The following CELF4 variants were observed in gnomAD, a reference collection of about 807,000 sequenced individuals.
The protein encoded by CELF4 is CUG-BP- and ETR-3-like factor 4.
A neutral mutation model predicts 59.9 loss-of-function variants in CELF4; 18 were observed. The ratio of observed to expected loss-of-function variants is 0.30; its 90% CI spans 0.21 to 0.45. CELF4 has a LOEUF of 0.45. Ranked by LOEUF, CELF4 falls within the 20% of genes least tolerant of loss-of-function variation. The pLI, the probability that CELF4 is intolerant of heterozygous loss-of-function variation, is 1.00. For synonymous variants in CELF4, 261 were observed against 267.1 expected, an observed-to-expected ratio of 0.98 and a Z score of 0.22; for missense variants, 456 against 689.0, an observed-to-expected ratio of 0.66 and a Z score of 3.79.
At chr18:37,257,792 A>C (rs1392200146) in intron 11 of CELF4, among the ~76,000 whole-genome samples, 1 of 152,030 alleles carries the variant, frequency 6.6e-6, no homozygotes, top group Non-Finnish European at 1.5e-5. Context: ...CTCTGGTTCC[A>C]TATGTGGCTC....
chr18:37,361,996 C>T (rs544429956), intron 2 of CELF4, among the ~76,000 whole-genome samples: 51 of 152,230 alleles, frequency 3.4e-4, no homozygotes, highest in African/African-American at 1.1e-3. Context: ...GGGAAGCGGA[C>T]GGTCAGAGGA....
chr18:37,479,068 G>A (rs2099858834), intron 2 of CELF4, among the ~76,000 whole-genome samples: 1 of 152,206 alleles, frequency 6.6e-6, no homozygotes, highest in South Asian at 2.1e-4. Flanking sequence ...TGCTGAAACT[G>A]CTAAGCCCTT....
At chr18:37,506,563 G>A (rs76305564) in intron 1 of CELF4, among the ~76,000 whole-genome samples, 2,798 of 152,274 alleles carry the variant, frequency 0.018, 96 homozygotes, top group African/African-American at 0.064. Context: ...AGGGAGGTTG[G>A]GCAAACTGGA....
chr18:37,505,672 C>T (rs1225343977), intron 1 of CELF4, among the ~76,000 whole-genome samples: 1 of 152,204 alleles, frequency 6.6e-6, no homozygotes, highest in African/African-American at 2.4e-5. Flanking sequence ...TGGCATCAGA[C>T]AGACCTGGAA....
chr18:37,316,941 G>A (rs549713814), intron 3 of CELF4, among the ~76,000 whole-genome samples: 3 of 152,246 alleles, frequency 2.0e-5, no homozygotes, highest in African/African-American at 7.2e-5. Context: ...AGGTAATCTG[G>A]GTTCTGGTGG....
intron 3 of CELF4, among the ~76,000 whole-genome samples, chr18:37,304,835 C>T (rs755102078): frequency 2.6e-5 from 4 of 152,138 alleles, no homozygotes; most frequent in Admixed American, 6.5e-5. Context: ...GGTGGCTCTC[C>T]GCAAAAGGGA....
At chr18:37,379,467 A>G (rs1031763011) in intron 2 of CELF4, among the ~76,000 whole-genome samples, 3 of 148,258 alleles carry the variant, frequency 2.0e-5, no homozygotes, top group Middle Eastern at 3.5e-3. Context: ...AATCACCTTC[A>G]TAATGGCCAG....
chr18:37,301,501 T>A (rs116572751), intron 3 of CELF4, among the ~76,000 whole-genome samples: 2,783 of 152,212 alleles, frequency 0.018, 90 homozygotes, highest in African/African-American at 0.064. Context: ...CAGGGACAGG[T>A]GTCTCCCTCC....
chr18:37,374,571 A>G (rs2098943080), intron 2 of CELF4, among the ~76,000 whole-genome samples: 1 of 152,206 alleles, frequency 6.6e-6, no homozygotes, highest in South Asian at 2.1e-4. Context: ...GCCAGTGTGC[A>G]GAAGCAGGGG....
At chr18:37,553,852 G>T (rs951066409) in intron 1 of CELF4, among the ~76,000 whole-genome samples, 10 of 152,166 alleles carry the variant, frequency 6.6e-5, no homozygotes, top group Non-Finnish European at 1.0e-4. Context: ...GCTGCTGCAG[G>T]AGCTGGGCAC....
At chr18:37,442,032 T>C (rs28572743) in intron 2 of CELF4, among the ~76,000 whole-genome samples, 4,781 of 151,402 alleles carry the variant, frequency 0.032, 266 homozygotes, top group African/African-American at 0.11. Context: ...TGACACGGTG[T>C]GTCACCCTTT....
chr18:37,520,171 C>T (rs1295604755), intron 1 of CELF4, among the ~76,000 whole-genome samples: 3 of 152,162 alleles, frequency 2.0e-5, no homozygotes, highest in Non-Finnish European at 2.9e-5. Flanking sequence ...GAGCCTGACT[C>T]CTGAAGAATA....
intron 2 of CELF4, among the ~76,000 whole-genome samples, chr18:37,357,391 A>G (rs543407684): frequency 6.6e-6 from 1 of 152,244 alleles, no homozygotes; most frequent in Non-Finnish European, 1.5e-5. Flanking sequence ...TGAGCCTGTG[A>G]GTACACAGAA....
chr18:37,365,093 G>T (rs1321097308), intron 2 of CELF4, among the ~76,000 whole-genome samples: 3 of 152,180 alleles, frequency 2.0e-5, no homozygotes, highest in African/African-American at 7.2e-5. Context: ...CAACAGCAGA[G>T]AATGATTTTA....
Position 37,244,506 on chromosome 18 carries a change from T to C in CELF4, c.*736A>G, listed in dbSNP as rs2061365942. The C allele has an allele frequency of 6.6e-6, 1 of 152,586 alleles. No homozygotes were observed. Among genetic ancestry groups the C allele is most frequent in the African/African-American group, 2.4e-5 (1 of 41,446 alleles). 9.5% of individuals were successfully genotyped at this position (152,586 alleles called of 1,614,324 possible). A position where few individuals can be genotyped will look rare whatever the true frequency, so the allele number is the denominator to read the frequency against. On this transcript the variant is annotated 3_prime_UTR_variant, in exon 13 of 13. Coordinates refer to ENST00000420428, the MANE Select transcript of CELF4 (RefSeq NM_020180.4). ...GGTCATCAAAGCGCCTCTCAAAGTA[T>C]CAAAGAACTATTATCTTGCTGTTTT...
At chr18:37,477,821 A>G (rs765262227) in intron 2 of CELF4, among the ~76,000 whole-genome samples, 45 of 152,320 alleles carry the variant, frequency 3.0e-4, no homozygotes, top group Admixed American at 1.2e-3. Flanking sequence ...CGCAGGGGGC[A>G]GGCTATCTGT....
chr18:37,536,530 C>A (rs973064032), intron 1 of CELF4, among the ~76,000 whole-genome samples: 1 of 152,208 alleles, frequency 6.6e-6, no homozygotes, highest in Non-Finnish European at 1.5e-5. Flanking sequence ...TGCTCGCTAG[C>A]GCCTTTTCTC....
At chr18:37,303,938 G>A (rs1301475026) in intron 3 of CELF4, among the ~76,000 whole-genome samples, 2 of 152,204 alleles carry the variant, frequency 1.3e-5, no homozygotes, top group East Asian at 3.9e-4. Context: ...CATCATAGGA[G>A]AAGGCTTCCC....
intron 2 of CELF4, among the ~76,000 whole-genome samples, chr18:37,445,535 G>A (rs1829544999): frequency 6.6e-6 from 1 of 151,930 alleles, no homozygotes; most frequent in Admixed American, 6.6e-5. Flanking sequence ...ACAGCCTGGG[G>A]CTGAGTTACA....
Sources: gnomAD v4.1 joint callset for allele counts (sites outside exome capture counted in the v4.1 genomes callset) on GRCh38, gnomAD v4.1.1 for gene constraint, MANE v1.5 for transcripts, NCBI Gene and HGNC (gene_info 2026-07-23, HGNC 2026-07-21) for gene names.